AGBL1: variants seen among roughly 807,000 people sequenced by gnomAD.
AGBL1 encodes cytosolic carboxypeptidase 4.
Under a neutral mutation model 118.9 loss-of-function variants are expected in AGBL1, and 130 were observed. The observed-to-expected ratio is 1.09, with a 90% CI of 0.95 to 1.26. The LOEUF (loss-of-function observed/expected upper bound fraction) is 1.26. Ranked by LOEUF, AGBL1 falls within the 50% of genes most tolerant of loss-of-function variation. The pLI, the probability that AGBL1 is intolerant of heterozygous loss-of-function variation, is 0.00. For synonymous variants in AGBL1, 555 were observed against 478.9 expected, an observed-to-expected ratio of 1.16 and a Z score of -2.08; for missense variants, 1,584 against 1,298.1, an observed-to-expected ratio of 1.22 and a Z score of -3.38.
intron 5 of AGBL1, among the ~76,000 whole-genome samples, chr15:86,191,635 G>C (rs999364928): frequency 3.3e-5 from 5 of 152,016 alleles, no homozygotes; most frequent in Non-Finnish European, 7.4e-5. Context: ...GTGAATGACA[G>C]AAAACTCTAC....
chr15:86,640,271 TTATAA>T (rs2085169221), intron 21 of AGBL1, among the ~76,000 whole-genome samples: 1 of 152,196 alleles, frequency 6.6e-6, no homozygotes. Flanking sequence ...AAGTCCAGAA[TTATAA>T]TAGAGTGGGA....
At chr15:86,644,705 T>C (rs1386921128) in intron 21 of AGBL1, among the ~76,000 whole-genome samples, 1 of 151,276 alleles carries the variant, frequency 6.6e-6, no homozygotes, top group Non-Finnish European at 1.5e-5. Context: ...GAAGGGCTTG[T>C]CTACATTAAA....
At chr15:86,984,902 G>T (rs1017546111) in intron 23 of AGBL1, among the ~76,000 whole-genome samples, 30 of 152,104 alleles carry the variant, frequency 2.0e-4, no homozygotes, top group African/African-American at 6.8e-4. Flanking sequence ...TCCACTCCTG[G>T]CTGGTCACAG....
At chr15:87,004,008 C>A (rs1309908685) in intron 24 of AGBL1, among the ~76,000 whole-genome samples, 2 of 152,102 alleles carry the variant, frequency 1.3e-5, no homozygotes, top group Admixed American at 1.3e-4. Context: ...CTTCTGCTAG[C>A]TTTTGAATGT....
chr15:86,725,187 A>T (rs1046265630), intron 22 of AGBL1, among the ~76,000 whole-genome samples: 1 of 152,254 alleles, frequency 6.6e-6, no homozygotes, highest in African/African-American at 2.4e-5. Context: ...TTTCCAATAT[A>T]TGACAAGCTA....
chr15:86,192,655 G>C (rs539889574), intron 5 of AGBL1, among the ~76,000 whole-genome samples: 157 of 152,202 alleles, frequency 1.0e-3, no homozygotes, highest in African/African-American at 3.7e-3. Context: ...TGACAACATT[G>C]TTTCTAATGC....
At chr15:86,297,104 A>G in intron 17 of AGBL1, 1 of 152,086 alleles carries the variant, frequency 6.6e-6, no homozygotes, top group Non-Finnish European at 1.5e-5. Context: ...AAAGAGAAAA[A>G]ATATCTCTTA....
chr15:86,084,644 G>C lies in AGBL1; in HGVS notation c.51+4621G>C, dbSNP rs146021488. Among the ~76,000 whole-genome samples the C allele has an allele frequency of 1.5e-3, 227 of 152,308 alleles. 2 individuals carry two copies. Among genetic ancestry groups the C allele is most frequent in the African/African-American group, 5.1e-3 (214 of 41,560 alleles). ...TTACCTTCATCTGACTAAACCTGAAGGTTGGGGCAATATGAATTTTCTACA... is the reference window on the plus strand; with the variant it reads ...TTACCTTCATCTGACTAAACCTGAACGTTGGGGCAATATGAATTTTCTACA... On this transcript the variant is annotated intron_variant, in intron 1 of 22. Coordinates refer to ENST00000614907, the MANE Select transcript of AGBL1 (RefSeq NM_001386094.1).
chr15:86,995,046 A>T (rs1018622884), intron 24 of AGBL1, among the ~76,000 whole-genome samples: 1 of 152,020 alleles, frequency 6.6e-6, no homozygotes, highest in Non-Finnish European at 1.5e-5. Flanking sequence ...TATTTCCTTT[A>T]ATCCATTCTC....
rs147164768 is a variant in AGBL1, at chr15:86,838,992, C to G, written c.3159-68095C>G. ...GAAAGAAATGTAGCAGCAGAGGAGA[C>G]TAGAATGATTTAATCTCCTTGGTCA... On this transcript the variant is annotated intron_variant, in intron 22 of 22. Coordinates refer to ENST00000614907, the MANE Select transcript of AGBL1 (RefSeq NM_001386094.1). 8.7e-3 allele frequency among the ~76,000 whole-genome samples: 1,192 copies of G among 136,482 alleles called. 17 individuals are homozygous for G. Among genetic ancestry groups the G allele is most frequent in the Middle Eastern group, 0.032 (8 of 248 alleles). 89.5% of individuals were successfully genotyped at this position (136,482 alleles called of 152,430 possible).
At position 86,264,382 on chromosome 15, in the gene AGBL1, G is replaced by A. The variant is rs1181390194; in HGVS notation, c.1211G>A (p.Gly404Glu). The A allele has an allele frequency of 1.2e-6, 2 of 1,613,762 alleles. No homozygotes were observed. Among genetic ancestry groups the A allele is most frequent in the South Asian group, 1.1e-5 (1 of 91,006 alleles). ...HCYSKDQSSCGQEREYAVQTS... is the reference protein window; with the variant it reads ...HCYSKDQSSCEQEREYAVQTS... ...TACAGCAAGGACCAAAGCTCCTGTGGGCAAGAAAGAGAATATGCTGTCCAG... is the reference window on the plus strand; with the variant it reads ...TACAGCAAGGACCAAAGCTCCTGTGAGCAAGAAAGAGAATATGCTGTCCAG... Residue 404 changes from glycine (G) to glutamate (E), a missense_variant, in exon 11 of 23, where the codon GGG (glycine) becomes GAG (glutamate). By Grantham distance (98) the Gly-to-Glu change is moderately conservative. Coordinates refer to ENST00000614907, the MANE Select transcript of AGBL1 (RefSeq NM_001386094.1).
chr15:86,215,576 A>AGTAC (rs1416290047), intron 5 of AGBL1, among the ~76,000 whole-genome samples: 21 of 152,154 alleles, frequency 1.4e-4, no homozygotes, highest in African/African-American at 5.1e-4. Context: ...AGTACCTGAC[A>AGTAC]TTGCAGTGAG....
At chr15:86,463,938 C>G (rs1473781846) in intron 18 of AGBL1, among the ~76,000 whole-genome samples, 1 of 152,062 alleles carries the variant, frequency 6.6e-6, no homozygotes, top group African/African-American at 2.4e-5. Context: ...TTTTTGGTTC[C>G]ATATGAAATT....
intron 24 of AGBL1, among the ~76,000 whole-genome samples, chr15:87,002,944 T>C (rs2081455873): frequency 6.6e-6 from 1 of 152,210 alleles, no homozygotes; most frequent in Admixed American, 6.5e-5. Flanking sequence ...TTTGACTTCC[T>C]CTTTTCCTAA....
intron 22 of AGBL1, among the ~76,000 whole-genome samples, chr15:86,726,562 GTAT>G (rs997457712): frequency 3.3e-5 from 5 of 152,022 alleles, no homozygotes; most frequent in African/African-American, 1.2e-4. Context: ...TAGGTACTAT[GTAT>G]TATTATTATT....
intron 22 of AGBL1, among the ~76,000 whole-genome samples, chr15:86,712,901 C>T (rs968405976): frequency 6.6e-6 from 1 of 152,180 alleles, no homozygotes; most frequent in African/African-American, 2.4e-5. Context: ...CTGCCCTCTC[C>T]AGCCTCATTC....
chr15:87,024,994 C>T (rs2081710576), intron 24 of AGBL1, among the ~76,000 whole-genome samples: 1 of 152,014 alleles, frequency 6.6e-6, no homozygotes, highest in East Asian at 1.9e-4. Context: ...ATAATAAAAG[C>T]CATTTATGAC....
intron 22 of AGBL1, among the ~76,000 whole-genome samples, chr15:86,714,494 G>C (rs1228016650): frequency 6.6e-6 from 1 of 152,214 alleles, no homozygotes; most frequent in African/African-American, 2.4e-5. Flanking sequence ...CCATGTGTGT[G>C]TGCAGATAAT....
chr15:86,823,880 C>A (rs900583766), intron 22 of AGBL1, among the ~76,000 whole-genome samples: 1 of 152,074 alleles, frequency 6.6e-6, no homozygotes, highest in East Asian at 1.9e-4. Flanking sequence ...AGTACCCTTT[C>A]ATTAAAACCT....
Sources: allele counts gnomAD v4.1 joint callset (sites outside exome capture counted in the v4.1 genomes callset), GRCh38; gene constraint gnomAD v4.1.1; transcripts MANE v1.5; gene names NCBI Gene and HGNC (gene_info 2026-07-23, HGNC 2026-07-21).